SMYD3: variants seen among roughly 807,000 people sequenced by gnomAD.
The protein encoded by SMYD3 is SET and MYND domain containing 3.
In SMYD3, 36 loss-of-function variants were observed where a neutral mutation model predicts 57.7. The observed-to-expected ratio is 0.62, with a 90% CI of 0.48 to 0.82. The LOEUF (loss-of-function observed/expected upper bound fraction) is 0.82, where lower values mean the gene tolerates loss of function less well. SMYD3 is among the 40% of genes least tolerant of loss of function. The pLI is 0.00. For synonymous variants in SMYD3, 211 were observed against 195.0 expected, an observed-to-expected ratio of 1.08 and a Z score of -0.68; for missense variants, 515 against 538.8, an observed-to-expected ratio of 0.96 and a Z score of 0.44.
chr1:246,383,914 G>T (rs1572445203), intron 1 of SMYD3, among the ~76,000 whole-genome samples: 1 of 152,132 alleles, frequency 6.6e-6, no homozygotes, highest in African/African-American at 2.4e-5. Flanking sequence ...ACATGAAGAG[G>T]AAGTGCAAGA....
Position 245,900,987 on chromosome 1 carries a change from T to C in SMYD3, c.813+14543A>G, listed in dbSNP as rs151145183. Among the ~76,000 whole-genome samples, 251 of 152,320 alleles carry C rather than the reference T, an allele frequency of 1.6e-3. 3 individuals carry two copies. The Middle Eastern group carries it at 0.058, about 35-fold the overall frequency. On this transcript the variant is annotated intron_variant, in intron 8 of 11. Coordinates refer to ENST00000490107, the MANE Select transcript of SMYD3 (RefSeq NM_001167740.2). ...CAGGAGCTATTAGAATATTCAACTTTTCCCACTTAATTCCCTTATTTTCAA... is the reference window on the plus strand; with the variant it reads ...CAGGAGCTATTAGAATATTCAACTTCTCCCACTTAATTCCCTTATTTTCAA...
intron 8 of SMYD3, among the ~76,000 whole-genome samples, chr1:245,875,940 G>A (rs1360388196): frequency 6.6e-6 from 1 of 152,226 alleles, no homozygotes; most frequent in Non-Finnish European, 1.5e-5. Flanking sequence ...AGAACAAGGG[G>A]TACCCAGACC....
At chr1:246,177,163 C>T (rs1464368778) in intron 5 of SMYD3, among the ~76,000 whole-genome samples, 1 of 152,136 alleles carries the variant, frequency 6.6e-6, no homozygotes, top group African/African-American at 2.4e-5. Context: ...GTGATTTAAA[C>T]CTTACTACAC....
chr1:246,355,321 G>A lies in SMYD3; in HGVS notation c.165-227C>T. Reference sequence around the variant, plus strand: ...CCTTTTGTCTGACAGAAGATGGCGGGGAAGAGGCAGGACCAGCTTGCAGCT... The same window carrying A: ...CCTTTTGTCTGACAGAAGATGGCGGAGAAGAGGCAGGACCAGCTTGCAGCT... On this transcript the variant is annotated intron_variant, in intron 1 of 11. Transcript: ENST00000490107. The surrounding 1 kb of genome is among the most constrained non-coding windows in gnomAD (Gnocchi z 5.0). 1 of 508,528 alleles carries A rather than the reference G, an allele frequency of 2.0e-6. No individual in the cohort carries two copies. Among genetic ancestry groups the A allele is most frequent in the Non-Finnish European group, 3.5e-6 (1 of 284,166 alleles). 31.5% of individuals were successfully genotyped at this position (508,528 alleles called of 1,614,324 possible).
At chr1:246,459,214 A>AGT (rs2067754800) in intron 1 of SMYD3, among the ~76,000 whole-genome samples, 1 of 150,816 alleles carries the variant, frequency 6.6e-6, no homozygotes, top group South Asian at 2.1e-4. Flanking sequence ...GTTATTTGAA[A>AGT]GTGTGTGACA....
At chr1:246,083,733 C>T (rs1345459950) in intron 5 of SMYD3, among the ~76,000 whole-genome samples, 1 of 152,146 alleles carries the variant, frequency 6.6e-6, no homozygotes, top group African/African-American at 2.4e-5. Context: ...GCTAATCTCA[C>T]CTACAATTCA....
At chr1:246,040,823 GA>G in intron 5 of SMYD3, among the ~76,000 whole-genome samples, 1 of 152,164 alleles carries the variant, frequency 6.6e-6, no homozygotes. Context: ...TTGCTGCTTA[GA>G]AATATGTTTG....
In SMYD3 at chr1:245,770,391, C is replaced by T. The variant is rs150051635; in HGVS notation, c.1077-6242G>A. Among the ~76,000 whole-genome samples, 872 of 152,244 alleles carry T rather than the reference C, an allele frequency of 5.7e-3. 6 individuals carry two copies. Among genetic ancestry groups the T allele is most frequent in the African/African-American group, 0.019 (777 of 41,540 alleles). Reference sequence around the variant, plus strand: ...AGCTCCAGTAAACATTCCTGGCTTTCGACTCTGACCACCAAAGGACTACAA... The same window carrying T: ...AGCTCCAGTAAACATTCCTGGCTTTTGACTCTGACCACCAAAGGACTACAA... On this transcript the variant is annotated intron_variant, in intron 10 of 11. Coordinates refer to ENST00000490107, the MANE Select transcript of SMYD3 (RefSeq NM_001167740.2).
At chr1:246,363,945 AAG>A (rs1211049459) in intron 1 of SMYD3, among the ~76,000 whole-genome samples, 2 of 152,156 alleles carry the variant, frequency 1.3e-5, no homozygotes, top group Admixed American at 6.5e-5. Context: ...AAAAAGGAAA[AAG>A]AAAAAAAGAG....
At chr1:245,749,742 G>T in intron 11 of SMYD3, 78 bp from the exon 12 acceptor site, 3 of 1,117,294 alleles carry the variant, frequency 2.7e-6, no homozygotes, top group South Asian at 1.3e-5. Context: ...ACCCCATGAT[G>T]CCAGGGGCCT....
intron 5 of SMYD3, among the ~76,000 whole-genome samples, chr1:246,070,955 T>C (rs1181208375): frequency 1.3e-5 from 2 of 152,218 alleles, no homozygotes; most frequent in African/African-American, 4.8e-5. Flanking sequence ...TTAATTCTAT[T>C]CTAGGCATAA....
rs183903591 is a variant in SMYD3, at chr1:245,933,709, C to A, written c.532-3772G>T. Among the ~76,000 whole-genome samples, 398 of 152,268 alleles carry A rather than the reference C, an allele frequency of 2.6e-3. 2 individuals are homozygous for A. Among genetic ancestry groups the A allele is most frequent in the Admixed American group, 4.5e-3 (69 of 15,284 alleles). On this transcript the variant is annotated intron_variant, in intron 5 of 11. Transcript: ENST00000490107. The stretch of plus-strand genomic sequence containing the variant: ...TCAATACCAACACACAAAGTGAATA[C>A]CTTACAAAATGAGTGTATTACCATG...
chr1:246,463,039 G>A (rs1374235726), intron 1 of SMYD3, among the ~76,000 whole-genome samples: 1 of 152,092 alleles, frequency 6.6e-6, no homozygotes, highest in Non-Finnish European at 1.5e-5. Context: ...AAATGAACTT[G>A]CTGAATGACT....
At chr1:246,078,272 G>T (rs61839075) in intron 5 of SMYD3, among the ~76,000 whole-genome samples, 5,395 of 152,034 alleles carry the variant, frequency 0.035, 243 homozygotes, top group Admixed American at 0.13. Context: ...CCTACACTAG[G>T]CCCCGAGACA....
In SMYD3 at chr1:245,763,930, G is replaced by C; in HGVS notation, c.1185+111C>G. 3 of 753,750 alleles carry C rather than the reference G, an allele frequency of 4.0e-6. No individual in the cohort carries two copies. In the South Asian group the frequency reaches 5.2e-5, roughly 13 times the overall value. The allele number at this position is 753,750 out of a possible 1,614,324, so 46.7% of individuals were successfully genotyped here. A position where few individuals can be genotyped will look rare whatever the true frequency, so the allele number is the denominator to read the frequency against. On this transcript the variant is annotated intron_variant, in intron 11 of 11. Transcript: ENST00000490107. The stretch of plus-strand genomic sequence containing the variant: ...ATTTACCAGCACACACTGGGCATGC[G>C]TGTGTATGCGTGCACACATACATAG...
rs201729065 is a variant in SMYD3 at position 246,335,420 on chromosome 1, G to A, written c.283C>T (p.Pro95Ser). ...RECKCLKSCK[P>S]RYPPDSVRLL... Reference sequence around the variant, plus strand: ...CGAACGGAGTCTGGAGGATATCTGGGTTTGCAGCTTTTAAGGCATTTGCAT... The same window carrying A: ...CGAACGGAGTCTGGAGGATATCTGGATTTGCAGCTTTTAAGGCATTTGCAT... The change falls in exon 3 of 12, where the codon CCC (proline) becomes TCC (serine). Residue 95 changes from proline to serine, a missense_variant. Pro to Ser is a moderately conservative substitution (Grantham distance 74). Coordinates refer to ENST00000490107, the MANE Select transcript of SMYD3 (RefSeq NM_001167740.2). 273 of 1,614,138 alleles carry A rather than the reference G, an allele frequency of 1.7e-4. 1 individual carries two copies. In the East Asian group the frequency reaches 6.0e-3, roughly 36 times the overall value.
chr1:246,435,099 T>G (rs929843985), intron 1 of SMYD3, among the ~76,000 whole-genome samples: 2 of 152,094 alleles, frequency 1.3e-5, no homozygotes, highest in African/African-American at 4.8e-5. Context: ...CACTTATAAG[T>G]GGGAGCTAAT....
chr1:246,100,653 G>C (rs960836195), intron 5 of SMYD3, among the ~76,000 whole-genome samples: 1 of 152,140 alleles, frequency 6.6e-6, no homozygotes, highest in Non-Finnish European at 1.5e-5. Context: ...GTTGGAAAAG[G>C]TCGGCTCTGC....
chr1:246,115,483 CA>C (rs1227346830), intron 5 of SMYD3, among the ~76,000 whole-genome samples: 1 of 152,010 alleles, frequency 6.6e-6, no homozygotes, highest in Non-Finnish European at 1.5e-5. Context: ...CACTGTGTTA[CA>C]GGGGGAAAAA....
Sources: gnomAD v4.1 joint callset for allele counts (sites outside exome capture counted in the v4.1 genomes callset) on GRCh38, gnomAD v4.1.1 for gene constraint, Gnocchi (gnomAD v3.1) non-coding constraint, MANE v1.5 for transcripts, NCBI Gene and HGNC (gene_info 2026-07-23, HGNC 2026-07-21) for gene names.